Variants in GLI2 observed in about 807,000 individuals in gnomAD.
The protein encoded by GLI2 is transcription activator GLI2.
A neutral mutation model predicts 78.9 loss-of-function variants in GLI2; 22 were observed. The observed-to-expected ratio is 0.28, with a 90% confidence interval of 0.20 to 0.40. The LOEUF (loss-of-function observed/expected upper bound fraction) is 0.40, where lower values mean the gene tolerates loss of function less well. GLI2 is among the 10% of genes least tolerant of loss of function. The pLI, the probability that GLI2 is intolerant of heterozygous loss-of-function variation, is 1.00. For missense variants in GLI2, 2,097 were observed against 2,213.2 expected, an observed-to-expected ratio of 0.95 and a Z score of 1.05; for synonymous variants, 974 against 963.7, an observed-to-expected ratio of 1.01 and a Z score of -0.20.
intron 1 of GLI2, among the ~76,000 whole-genome samples, chr2:120,748,755 A>G (rs1421749863): frequency 6.6e-6 from 1 of 152,110 alleles, no homozygotes; most frequent in Admixed American, 6.5e-5. Context: ...CTAAAGTTAT[A>G]TCTTTCTGTC....
intron 2 of GLI2, among the ~76,000 whole-genome samples, chr2:120,848,128 G>T (rs1238444705): frequency 6.6e-6 from 1 of 152,228 alleles, no homozygotes; most frequent in Admixed American, 6.5e-5. Context: ...CGCAGACCGC[G>T]CAGCGCGCAC....
At chr2:120,978,765 C>T (rs1345728587) in intron 10 of GLI2, among the ~76,000 whole-genome samples, 182 bp downstream of exon 10, 1 of 152,152 alleles carries the variant, frequency 6.6e-6, no homozygotes, top group Non-Finnish European at 1.5e-5. Flanking sequence ...CCCCTCGCCT[C>T]GTGCCGTCCC....
At chr2:120,822,415 G>C (rs1392664626) in intron 2 of GLI2, among the ~76,000 whole-genome samples, 1 of 152,222 alleles carries the variant, frequency 6.6e-6, no homozygotes, top group Non-Finnish European at 1.5e-5. Context: ...GAACCTTTGT[G>C]TTCCCTGAAT....
intron 2 of GLI2, among the ~76,000 whole-genome samples, chr2:120,907,620 G>A (rs11675340): frequency 0.27 from 41,809 of 152,118 alleles, 6,035 homozygotes; most frequent in South Asian, 0.47. Context: ...AGGGCAGGTG[G>A]CTGCTTAAGG....
At chr2:120,921,061 A>G (rs1285640060) in intron 2 of GLI2, among the ~76,000 whole-genome samples, 2 of 152,138 alleles carry the variant, frequency 1.3e-5, no homozygotes, top group Non-Finnish European at 2.9e-5. Flanking sequence ...AGAGTTGGAA[A>G]GCAGAATTTT....
chr2:120,974,293 C>T (rs968137232), intron 8 of GLI2, among the ~76,000 whole-genome samples: 5 of 152,136 alleles, frequency 3.3e-5, no homozygotes, highest in African/African-American at 1.2e-4. Context: ...TCCTCATGTT[C>T]TCTGCTCAGA....
intron 3 of GLI2, among the ~76,000 whole-genome samples, chr2:120,933,999 G>A (rs2104893364): frequency 6.6e-6 from 1 of 152,332 alleles, no homozygotes; most frequent in East Asian, 1.9e-4. Flanking sequence ...CACACAGGGT[G>A]GGTCTTAAAG....
intron 3 of GLI2, among the ~76,000 whole-genome samples, chr2:120,934,615 C>T (rs898621445): frequency 1.4e-4 from 21 of 152,158 alleles, no homozygotes; most frequent in African/African-American, 2.9e-4. Flanking sequence ...ATAGAGTGAA[C>T]GCCAGCTGGT....
intron 2 of GLI2, among the ~76,000 whole-genome samples, chr2:120,855,350 A>G (rs1315117222): frequency 6.6e-6 from 1 of 152,134 alleles, no homozygotes; most frequent in Non-Finnish European, 1.5e-5. Context: ...GCCACTCAAG[A>G]AACTTGGTTG....
intron 1 of GLI2, among the ~76,000 whole-genome samples, chr2:120,747,619 G>A (rs1048008555): frequency 3.0e-4 from 46 of 152,200 alleles, no homozygotes; most frequent in African/African-American, 1.1e-3. Flanking sequence ...GTGGGTAGAG[G>A]CCAGGGATGC....
chr2:120,929,144 T>C (rs568905941), intron 3 of GLI2, among the ~76,000 whole-genome samples: 1 of 152,216 alleles, frequency 6.6e-6, no homozygotes, highest in Non-Finnish European at 1.5e-5. Flanking sequence ...TGTTTCATGA[T>C]GACATTCGGA....
At chr2:120,874,599 A>T (rs570072690) in intron 2 of GLI2, among the ~76,000 whole-genome samples, 23 of 152,008 alleles carry the variant, frequency 1.5e-4, no homozygotes, top group Non-Finnish European at 2.6e-4. Context: ...ATCATCCGTG[A>T]CCTGTAGCAT....
At chr2:120,955,104 A>C in intron 4 of GLI2, 141 bp from the exon 5 acceptor site, 1 of 670,502 alleles carries the variant, frequency 1.5e-6, no homozygotes, top group Non-Finnish European at 2.6e-6. Flanking sequence ...GCAGTGGGGG[A>C]AAATGCCGAG....
chr2:120,899,862 A>C (rs1221480912), intron 2 of GLI2, among the ~76,000 whole-genome samples: 1 of 152,202 alleles, frequency 6.6e-6, no homozygotes, highest in Non-Finnish European at 1.5e-5. Flanking sequence ...AGTAAAATGC[A>C]AATGACCCTG....
At chr2:120,811,071 G>A (rs1434680102) in intron 2 of GLI2, among the ~76,000 whole-genome samples, 2 of 152,190 alleles carry the variant, frequency 1.3e-5, no homozygotes, top group Non-Finnish European at 2.9e-5. Context: ...GTATTTTGTG[G>A]GGTCCCATGC....
At position 120,986,524 on chromosome 2, in the gene GLI2, G is replaced by A. The variant is rs756237933; in HGVS notation, c.2152G>A (p.Glu718Lys). 31 of 1,614,136 alleles carry A rather than the reference G, an allele frequency of 1.9e-5. 1 individual carries two copies. Among genetic ancestry groups the A allele is most frequent in the South Asian group, 1.9e-4 (17 of 91,084 alleles). The change falls in exon 13 of 14, where the codon GAG (glutamate) becomes AAG (lysine). Residue 718 changes from glutamate (E) to lysine (K), a missense_variant. Transcript: ENST00000361492. ...GCACCGGTTCGAGCAGCTCAAGAAG[G>A]AGAAGCTCAAGTCACTCAAGGATTC... ...TMHRFEQLKK[E>K]KLKSLKDSCS...
intron 8 of GLI2, 87 bp downstream of exon 8, chr2:120,972,150 A>ATGGCTGGC (rs1261178109): frequency 1.6e-5 from 24 of 1,478,552 alleles, no homozygotes; most frequent in Non-Finnish European, 2.1e-5. Flanking sequence ...TGGTGAACGG[A>ATGGCTGGC]TGGCTGGCTG....
At chr2:120,788,322 A>G (rs1267682179) in intron 1 of GLI2, among the ~76,000 whole-genome samples, 14 of 152,174 alleles carry the variant, frequency 9.2e-5, no homozygotes. Flanking sequence ...TCTGGGAAGG[A>G]GGGTGTGAGA....
chr2:120,750,024 G>A (rs1252166659), intron 1 of GLI2, among the ~76,000 whole-genome samples: 1 of 152,222 alleles, frequency 6.6e-6, no homozygotes, highest in Non-Finnish European at 1.5e-5. Context: ...CCTCCCTGGG[G>A]TCTGTTTCTC....
Sources: gnomAD v4.1 joint callset for allele counts (sites outside exome capture counted in the v4.1 genomes callset) on GRCh38, gnomAD v4.1.1 for gene constraint, MANE v1.5 for transcripts, NCBI Gene and HGNC (gene_info 2026-07-23, HGNC 2026-07-21) for gene names.